LRP1B: variants seen among roughly 807,000 people sequenced by gnomAD.
The protein encoded by LRP1B is LDL receptor related protein 1B.
Under a neutral mutation model 556.6 loss-of-function variants are expected in LRP1B, and 217 were observed. The observed-to-expected ratio is 0.39, with a 90% CI of 0.35 to 0.44. The LOEUF (loss-of-function observed/expected upper bound fraction) is 0.44. Among genes scored for constraint, LRP1B ranks in the 20% least tolerant of loss-of-function variants. LRP1B has a pLI of 1.00. For synonymous variants in LRP1B, 2,047 were observed against 1,865.8 expected (o/e 1.10, Z -2.50); for missense variants, 5,053 against 5,620.8 (o/e 0.90, Z 3.23).
At chr2:141,977,252 T>C (rs1339302348) in intron 1 of LRP1B, among the ~76,000 whole-genome samples, 3 of 152,266 alleles carry the variant, frequency 2.0e-5, no homozygotes, top group South Asian at 2.1e-4. Flanking sequence ...TTTACTAGCA[T>C]CTATAATCCA....
chr2:140,712,131 C>G (rs188223961), intron 37 of LRP1B, among the ~76,000 whole-genome samples: 366 of 152,202 alleles, frequency 2.4e-3, no homozygotes, highest in African/African-American at 8.6e-3. Context: ...ACTTGAATCT[C>G]TTCTCCCACA....
intron 2 of LRP1B, among the ~76,000 whole-genome samples, chr2:141,790,054 C>T (rs1445386445): frequency 6.6e-6 from 1 of 151,850 alleles, no homozygotes; most frequent in Non-Finnish European, 1.5e-5. Context: ...ACATTAACAA[C>T]GTCCTCCTAC....
At chr2:141,084,991 T>A (rs1238258085) in intron 7 of LRP1B, among the ~76,000 whole-genome samples, 1 of 152,058 alleles carries the variant, frequency 6.6e-6, no homozygotes, top group Non-Finnish European at 1.5e-5. Flanking sequence ...AGAGCCATGT[T>A]TTATGTTTCT....
At chr2:140,549,410 G>A (rs1680463945) in intron 43 of LRP1B, among the ~76,000 whole-genome samples, 1 of 152,108 alleles carries the variant, frequency 6.6e-6, no homozygotes, top group South Asian at 2.1e-4. Context: ...GGTATCAAAT[G>A]TATGCTTTTG....
intron 84 of LRP1B, among the ~76,000 whole-genome samples, chr2:140,275,485 C>T (rs1327012176): frequency 2.0e-5 from 3 of 151,964 alleles, no homozygotes; most frequent in African/African-American, 7.2e-5. Flanking sequence ...TGGCAGTCAG[C>T]CACATGTGGT....
chr2:140,581,379 T>C (rs1316220278), intron 43 of LRP1B, among the ~76,000 whole-genome samples: 1 of 152,334 alleles, frequency 6.6e-6, no homozygotes, highest in East Asian at 1.9e-4. Context: ...CCTCTTCAGA[T>C]ACGCTTTTTG....
intron 35 of LRP1B, among the ~76,000 whole-genome samples, chr2:140,748,125 A>ATC (rs1688385491): frequency 1.1e-5 from 1 of 94,656 alleles, no homozygotes; most frequent in Non-Finnish European, 2.0e-5. Flanking sequence ...ATATATATAT[A>ATC]TATATATATA....
chr2:141,765,950 G>A (rs979060298), intron 2 of LRP1B, among the ~76,000 whole-genome samples: 1 of 152,076 alleles, frequency 6.6e-6, no homozygotes, highest in African/African-American at 2.4e-5. Flanking sequence ...ATGATGTACC[G>A]AGTTAATGTC....
chr2:141,368,837 A>T (rs1225201333), intron 3 of LRP1B, among the ~76,000 whole-genome samples: 1 of 152,208 alleles, frequency 6.6e-6, no homozygotes, highest in Non-Finnish European at 1.5e-5. Flanking sequence ...TCATTATTTA[A>T]CACACAGGTG....
At chr2:140,259,756 T>A (rs1167675864) in intron 86 of LRP1B, among the ~76,000 whole-genome samples, 2 of 151,900 alleles carry the variant, frequency 1.3e-5, no homozygotes, top group African/African-American at 4.8e-5. Context: ...GAAACAGACA[T>A]ATAAATTTAA....
intron 3 of LRP1B, among the ~76,000 whole-genome samples, chr2:141,291,751 G>A (rs1005924609): frequency 6.6e-6 from 1 of 150,968 alleles, no homozygotes; most frequent in Non-Finnish European, 1.5e-5. Flanking sequence ...AGCTACTTGG[G>A]AGGCTGAGGC....
At chr2:141,226,181 A>G (rs916479098) in intron 6 of LRP1B, among the ~76,000 whole-genome samples, 9 of 152,088 alleles carry the variant, frequency 5.9e-5, no homozygotes, top group Non-Finnish European at 1.3e-4. Context: ...AGCATATTCA[A>G]TAAAGTTAAA....
At chr2:140,645,593 GCAGTGA>G (rs1241294687) in intron 41 of LRP1B, among the ~76,000 whole-genome samples, 1 of 129,688 alleles carries the variant, frequency 7.7e-6, no homozygotes, top group East Asian at 2.4e-4. Context: ...AGGCTGGAGT[GCAGTGA>G]CACGATCTCC....
chr2:140,952,737 C>A (rs1331529926), intron 18 of LRP1B, among the ~76,000 whole-genome samples: 2 of 152,168 alleles, frequency 1.3e-5, no homozygotes, highest in East Asian at 3.9e-4. Flanking sequence ...ATCTGATAAT[C>A]AAGGTGAATA....
chr2:140,268,044 G>A (rs537862244), intron 86 of LRP1B, among the ~76,000 whole-genome samples: 2 of 151,842 alleles, frequency 1.3e-5, no homozygotes, highest in Non-Finnish European at 2.9e-5. Flanking sequence ...CCTATTTATG[G>A]GTGGGAAAGG....
At chr2:140,815,699 A>G (rs140607070) in intron 31 of LRP1B, among the ~76,000 whole-genome samples, 9 of 152,262 alleles carry the variant, frequency 5.9e-5, no homozygotes, top group Admixed American at 2.0e-4. Flanking sequence ...ACTTTTCCAT[A>G]TGTACGTGAT....
At chr2:141,967,777 G>A (rs1474483521) in intron 1 of LRP1B, among the ~76,000 whole-genome samples, 2 of 151,698 alleles carry the variant, frequency 1.3e-5, no homozygotes, top group Non-Finnish European at 2.9e-5. Flanking sequence ...AACATGAACT[G>A]ATTTGCTATG....
Position 140,748,765 on chromosome 2 carries a change from ATG to A in LRP1B, c.5758+20446_5758+20447del, listed in dbSNP as rs1688447963. ...ATATAATATGATATATATTATATACATGTATATAATATGTATATAATATATAT... is the reference window on the plus strand; with the variant it reads ...ATATAATATGATATATATTATATACATATATAATATGTATATAATATATAT... On this transcript the variant is annotated intron_variant, in intron 35 of 90. Coordinates refer to ENST00000389484, the MANE Select transcript of LRP1B (RefSeq NM_018557.3). Among the ~76,000 whole-genome samples, 4 of 107,694 alleles carry A rather than the reference ATG, an allele frequency of 3.7e-5. 1 individual carries two copies. The highest frequency in any genetic ancestry group is 7.5e-5 in the Non-Finnish European group (4 of 53,538). The allele number at this position is 107,694 out of a possible 152,430, so 70.7% of individuals were successfully genotyped here.
chr2:141,895,689 A>C (rs897907791), intron 1 of LRP1B, among the ~76,000 whole-genome samples: 5 of 152,206 alleles, frequency 3.3e-5, no homozygotes, highest in African/African-American at 1.2e-4. Flanking sequence ...ATTTCTCTTT[A>C]CAAACAATGA....
Sources: gnomAD v4.1 joint callset for allele counts (sites outside exome capture counted in the v4.1 genomes callset) on GRCh38, gnomAD v4.1.1 for gene constraint, MANE v1.5 for transcripts, NCBI Gene and HGNC (gene_info 2026-07-23, HGNC 2026-07-21) for gene names.